The following CFAP161 variants were observed in gnomAD, a reference collection of about 807,000 sequenced individuals.
CFAP161 encodes cilia- and flagella-associated protein 161.
Under a neutral mutation model 29.0 loss-of-function variants are expected in CFAP161, and 25 were observed. The observed-to-expected ratio is 0.86, with a 90% CI of 0.63 to 1.20. The LOEUF is 1.20. Ranked by LOEUF, CFAP161 falls within the 50% of genes most tolerant of loss-of-function variation. The probability of loss-of-function intolerance (pLI) is 0.00; values close to 1 mark genes in which losing one functional copy is unlikely to be tolerated. For synonymous variants in CFAP161, 116 were observed against 137.4 expected (o/e 0.84, Z 1.09); for missense variants, 367 against 371.9 (o/e 0.99, Z 0.11).
chr15:81,107,275 T>C (rs568555162), intron 1 of CFAP161, among the ~76,000 whole-genome samples: 95 of 152,224 alleles, frequency 6.2e-4, no homozygotes, highest in Non-Finnish European at 1.0e-3. Flanking sequence ...CTTACATACA[T>C]ATCCACACTC....
At chr15:81,139,114 C>T (rs1447015339) in intron 4 of CFAP161, among the ~76,000 whole-genome samples, 1 of 151,968 alleles carries the variant, frequency 6.6e-6, no homozygotes, top group African/African-American at 2.4e-5. Flanking sequence ...CCAGCTTTGG[C>T]AACATAGCGA....
rs565310837 is a variant in CFAP161, at chr15:81,121,886, G to T, written c.-141-5704G>T. 2.6e-5 allele frequency among the ~76,000 whole-genome samples: 4 copies of T among 152,120 alleles called. No individual in the cohort carries two copies. In the East Asian group the frequency reaches 7.7e-4, roughly 29 times the overall value. ...CCTCCCACCTTCCACCTTCTGAAAG[G>T]CCCCACTGTGTATTGTTCCCTTCTA... On this transcript the variant is annotated intron_variant, in intron 1 of 4. Coordinates refer to the CFAP161 transcript ENST00000560091.
intron 1 of CFAP161, among the ~76,000 whole-genome samples, chr15:81,122,473 AT>A (rs374505611): frequency 1.3e-4 from 18 of 143,092 alleles, no homozygotes; most frequent in East Asian, 8.2e-4. Context: ...AGTGATGTTG[AT>A]TTTTTTTTCT....
intron 1 of CFAP161, among the ~76,000 whole-genome samples, chr15:81,113,674 G>T (rs1894463458): frequency 6.6e-6 from 1 of 152,176 alleles, no homozygotes; most frequent in South Asian, 2.1e-4. Flanking sequence ...TGAGGAAAGG[G>T]GTGCAGAGCT....
At position 81,134,329 on chromosome 15, in the gene CFAP161, G is replaced by A; in HGVS notation, c.-1G>A. 1 of 1,586,082 alleles carries A rather than the reference G, an allele frequency of 6.3e-7. No homozygotes were observed. The highest frequency in any genetic ancestry group is 8.6e-7 in the Non-Finnish European group (1 of 1,166,978). ...GCCCACTTGCTGAACAGCAGGGAGC[G>A]ATGGCGCAGAACGTGTATGGTCCGG... On this transcript the variant is annotated 5_prime_UTR_variant, in exon 1 of 7. Transcript: ENST00000286732.
chr15:81,108,578 C>T (rs980766802), intron 1 of CFAP161, among the ~76,000 whole-genome samples: 2 of 152,102 alleles, frequency 1.3e-5, no homozygotes. Context: ...CAAACTAGAT[C>T]GGTGGTTTTC....
chr15:81,125,368 T>C (rs1894628045), intron 1 of CFAP161, among the ~76,000 whole-genome samples: 1 of 152,172 alleles, frequency 6.6e-6, no homozygotes, highest in Admixed American at 6.5e-5. Flanking sequence ...CTGTTTTCAT[T>C]AAACTGACAA....
At chr15:81,123,992 A>G (rs1441557050) in intron 1 of CFAP161, among the ~76,000 whole-genome samples, 1 of 152,226 alleles carries the variant, frequency 6.6e-6, no homozygotes, top group Admixed American at 6.5e-5. Context: ...AAACAGGGAT[A>G]GTGTGACTTT....
chr15:81,146,898 A>G (rs1895018433), intron 5 of CFAP161, among the ~76,000 whole-genome samples: 1 of 137,180 alleles, frequency 7.3e-6, no homozygotes, highest in East Asian at 2.1e-4. Flanking sequence ...AAAGCTACAT[A>G]CATCCCTCAC....
At chr15:81,105,332 TC>T in intron 1 of CFAP161, among the ~76,000 whole-genome samples, 1 of 135,932 alleles carries the variant, frequency 7.4e-6, no homozygotes, top group Non-Finnish European at 1.6e-5. Context: ...CTTTCCTTCT[TC>T]TTTTCTTCCC....
At chr15:81,147,410 T>C (rs370293857) in intron 5 of CFAP161, among the ~76,000 whole-genome samples, 1 of 152,158 alleles carries the variant, frequency 6.6e-6, no homozygotes, top group African/African-American at 2.4e-5. Flanking sequence ...TCTTTGACCT[T>C]GGCAAATAAA....
chr15:81,143,300 G>A (rs1010827167), intron 4 of CFAP161, among the ~76,000 whole-genome samples: 1 of 152,164 alleles, frequency 6.6e-6, no homozygotes, highest in Non-Finnish European at 1.5e-5. Context: ...AACAGAATGA[G>A]ACCCTGTCTC....
chr15:81,128,396 C>A (rs756852758), intron 2 of CFAP161, among the ~76,000 whole-genome samples: 28 of 152,312 alleles, frequency 1.8e-4, no homozygotes, highest in Non-Finnish European at 2.4e-4. Context: ...GTCATTTCAG[C>A]AGTGTTATAG....
chr15:81,142,248 G>A (rs1894923194), intron 4 of CFAP161, among the ~76,000 whole-genome samples: 2 of 151,804 alleles, frequency 1.3e-5, no homozygotes, highest in African/African-American at 4.8e-5. Context: ...ACTAGACAGG[G>A]TGCTGCCAGG....
chr15:81,139,226 G>A (rs1894863523), intron 4 of CFAP161, among the ~76,000 whole-genome samples: 1 of 152,108 alleles, frequency 6.6e-6, no homozygotes. Flanking sequence ...GATTGCTTAA[G>A]CCGGAAGGTA....
At chr15:81,145,700 T>A (rs1263198147) in intron 5 of CFAP161, among the ~76,000 whole-genome samples, 1 of 152,184 alleles carries the variant, frequency 6.6e-6, no homozygotes. Flanking sequence ...ACCTTGCACA[T>A]GTCAATGACC....
chr15:81,109,759 C>A (rs1894418453), intron 1 of CFAP161, among the ~76,000 whole-genome samples: 2 of 152,144 alleles, frequency 1.3e-5, no homozygotes, highest in African/African-American at 4.8e-5. Context: ...GTTATTGTTT[C>A]TACTGTTAAT....
intron 1 of CFAP161, among the ~76,000 whole-genome samples, chr15:81,124,134 C>A (rs1006404817): frequency 6.6e-6 from 1 of 152,164 alleles, no homozygotes; most frequent in Non-Finnish European, 1.5e-5. Flanking sequence ...AAGAGGAAGG[C>A]TTCCAGTATT....
intron 1 of CFAP161, among the ~76,000 whole-genome samples, chr15:81,104,711 C>G (rs1894340983): frequency 6.6e-6 from 1 of 152,168 alleles, no homozygotes; most frequent in Non-Finnish European, 1.5e-5. Flanking sequence ...CCAAATGCCA[C>G]TAGTCAGAGG....
Sources: gnomAD v4.1 joint callset for allele counts (sites outside exome capture counted in the v4.1 genomes callset) on GRCh38, gnomAD v4.1.1 for gene constraint, MANE v1.5 for transcripts, NCBI Gene and HGNC (gene_info 2026-07-23, HGNC 2026-07-21) for gene names.